Variants in ZNF765 observed in about 807,000 individuals in gnomAD.
ZNF765 encodes the protein zinc finger protein 765.
In ZNF765, 37 loss-of-function variants were observed where a neutral mutation model predicts 44.7. The observed-to-expected ratio is 0.83, with a 90% CI of 0.64 to 1.09. ZNF765 has a LOEUF of 1.09. Among genes scored for constraint, ZNF765 ranks in the 50% least tolerant of loss-of-function variants. ZNF765 has a pLI of 0.00. For missense variants in ZNF765, 594 were observed against 626.1 expected, an observed-to-expected ratio of 0.95 and a Z score of 0.55; for synonymous variants, 201 against 213.7, an observed-to-expected ratio of 0.94 and a Z score of 0.52.
At chr19:53,414,750 G>A (rs1439703683), downstream of ZNF765, among the ~76,000 whole-genome samples, 3 of 148,528 alleles carry the variant, frequency 2.0e-5, no homozygotes, top group Non-Finnish European at 4.5e-5. Context: ...ATGTGCAGTC[G>A]CCATGGTCCA....
At chr19:53,400,673 T>C (rs1485794912) in intron 2 of ZNF765, among the ~76,000 whole-genome samples, 2 of 151,364 alleles carry the variant, frequency 1.3e-5, no homozygotes, top group Non-Finnish European at 2.9e-5. Context: ...TTTGAACAAC[T>C]TTTCCATTTT....
chr19:53,413,369 CA>C, downstream of ZNF765: 1 of 570,602 alleles, frequency 1.8e-6, no homozygotes, highest in East Asian at 4.4e-5. Flanking sequence ...AGATGGCACA[CA>C]TATTTATGCT....
chr19:53,399,031 A>G (rs866315760), intron 2 of ZNF765, among the ~76,000 whole-genome samples: 37 of 151,994 alleles, frequency 2.4e-4, no homozygotes, highest in African/African-American at 8.9e-4. Flanking sequence ...GATTACAGGT[A>G]TAAGCCACCA....
chr19:53,421,215 C>T (rs2085905056), intron 3 of ZNF765, among the ~76,000 whole-genome samples: 2 of 152,154 alleles, frequency 1.3e-5, no homozygotes, highest in African/African-American at 2.4e-5. Context: ...GACAGAGACA[C>T]CTTCGCTCAC....
At chr19:53,403,098 G>T (rs1232638963) in intron 3 of ZNF765, among the ~76,000 whole-genome samples, 1 of 151,956 alleles carries the variant, frequency 6.6e-6, no homozygotes, top group Non-Finnish European at 1.5e-5. Flanking sequence ...GGGAGTCAGA[G>T]GTTGCAGTGA....
chr19:53,416,043 C>G (rs1246417884), downstream of ZNF765, among the ~76,000 whole-genome samples: 1 of 152,102 alleles, frequency 6.6e-6, no homozygotes, highest in Non-Finnish European at 1.5e-5. Flanking sequence ...CAACCTCTGC[C>G]TCCCAGGTTA....
At chr19:53,406,121 T>A (rs768037390) in intron 3 of ZNF765, among the ~76,000 whole-genome samples, 5 of 149,452 alleles carry the variant, frequency 3.3e-5, no homozygotes, top group African/African-American at 7.4e-5. Flanking sequence ...CTCCACCTCC[T>A]GGGTTCAAAT....
chr19:53,400,388 A>G (rs1024562638), intron 2 of ZNF765, among the ~76,000 whole-genome samples: 4 of 152,072 alleles, frequency 2.6e-5, no homozygotes, highest in African/African-American at 9.7e-5. Context: ...CCGCGTTACT[A>G]CAGATATCTC....
At chr19:53,400,244 T>G (rs542129828) in intron 2 of ZNF765, among the ~76,000 whole-genome samples, 3 of 152,328 alleles carry the variant, frequency 2.0e-5, no homozygotes, top group Non-Finnish European at 4.4e-5. Flanking sequence ...TTGTGAAAAT[T>G]TACATGTTCT....
At chr19:53,398,109 A>T in intron 2 of ZNF765, 79 bp downstream of exon 2, 1 of 1,610,540 alleles carries the variant, frequency 6.2e-7, no homozygotes, top group Admixed American at 1.7e-5. Context: ...ATCTTCTCTG[A>T]GTCTGAAGCA....
downstream of ZNF765, among the ~76,000 whole-genome samples, chr19:53,414,514 A>G (rs2085863193): frequency 1.4e-5 from 1 of 71,194 alleles, no homozygotes; most frequent in African/African-American, 5.6e-5. Flanking sequence ...CCCCCCGGGG[A>G]AAAGCCCATA....
At chr19:53,401,926 G>A (rs747027568) in intron 2 of ZNF765, 139 bp from the exon 3 acceptor site, 41 of 1,578,538 alleles carry the variant, frequency 2.6e-5, no homozygotes, top group Middle Eastern at 3.3e-4. Context: ...GACAAAATGC[G>A]GTGAAAAATC....
rs553711067 is a variant in ZNF765 at position 53,410,505 on chromosome 19, A to T, written c.*1378A>T. 1.3e-5 allele frequency: 5 copies of T among 394,456 alleles called. No homozygotes were observed. The highest frequency in any genetic ancestry group is 1.0e-4 in the African/African-American group (5 of 47,726). The allele number at this position is 394,456 out of a possible 1,614,324, so 24.4% of individuals were successfully genotyped here. A position where few individuals can be genotyped will look rare whatever the true frequency, so the allele number is the denominator to read the frequency against. On this transcript the variant is annotated 3_prime_UTR_variant, in exon 4 of 4. Transcript: ENST00000396408. ...AGAATTCACATTGGAGAGAAAGCTT[A>T]CAAGTATAATGAATGTGACAGGTCT...
chr19:53,410,426 G>T lies in ZNF765; in HGVS notation c.*1299G>T. The T allele has an allele frequency of 3.0e-6, 1 of 336,558 alleles. No homozygotes were observed. The allele number at this position is 336,558 out of a possible 1,614,324, so 20.8% of individuals were successfully genotyped here. ...CCTACTGGAGAGATAGCATAAAAATGTAAGAGTTTGTGACAAGGCTTTCAG... is the reference window on the plus strand; with the variant it reads ...CCTACTGGAGAGATAGCATAAAAATTTAAGAGTTTGTGACAAGGCTTTCAG... On this transcript the variant is annotated 3_prime_UTR_variant, in exon 4 of 4. Transcript: ENST00000396408.
rs771235663 is a variant in ZNF765, at chr19:53,408,202, A to T, written c.647A>T (p.Gln216Leu). ...GTACATATGAGGGAAAAATCTTTCC[A>T]ATGCAATGACAGTGGCAAAGCCTAT... ...QEVHMREKSF[Q>L]CNDSGKAYNC... The change falls in exon 4 of 4, where the codon CAA (glutamine) becomes CTA (leucine). Residue 216 changes from glutamine (Q) to leucine (L), a missense_variant. Transcript: ENST00000396408. 1.9e-6 allele frequency: 3 copies of T among 1,614,110 alleles called. No individual in the cohort carries two copies. Among genetic ancestry groups the T allele is most frequent in the Admixed American group, 1.7e-5 (1 of 60,014 alleles).
chr19:53,402,234 T>C, intron 3 of ZNF765, 43 bp downstream of exon 3: 1 of 1,571,694 alleles, frequency 6.4e-7, no homozygotes, highest in Non-Finnish European at 8.6e-7. Context: ...TTGCGTATCT[T>C]TGTATTTTCT....
chr19:53,410,168 C>T lies in ZNF765; in HGVS notation c.*1041C>T. ...CATAGAATTCATACTAGAGAGAAAC[C>T]TTAGCAGTGTAATGAACGTGGCAAG... On this transcript the variant is annotated 3_prime_UTR_variant, in exon 4 of 4. Coordinates refer to ENST00000396408, the MANE Select transcript of ZNF765 (RefSeq NM_001040185.3). 1 of 395,544 alleles carries T rather than the reference C, an allele frequency of 2.5e-6. No individual in the cohort carries two copies. Among genetic ancestry groups the T allele is most frequent in the Non-Finnish European group, 5.1e-6 (1 of 195,704 alleles). 24.5% of individuals were successfully genotyped at this position (395,544 alleles called of 1,614,324 possible).
chr19:53,423,058 A>G lies in ZNF765; in HGVS notation c.143-4A>G, dbSNP rs567723752. ...GGATGTAAATTTCTTTTTTGTGTCC[A>G]CAGAGTTGTCAGGGGAGTGTCCATT... On this transcript the variant is annotated splice_region_variant and splice_polypyrimidine_tract_variant and intron_variant, in intron 3 of 3. Transcript: ENST00000594030. 19 of 696,386 alleles carry G rather than the reference A, an allele frequency of 2.7e-5. No individual in the cohort carries two copies. In the East Asian group the frequency reaches 4.3e-4, roughly 16 times the overall value. The allele number at this position is 696,386 out of a possible 1,614,324, so 43.1% of individuals were successfully genotyped here. A position where few individuals can be genotyped will look rare whatever the true frequency, so the allele number is the denominator to read the frequency against.
At chr19:53,406,262 C>T (rs542369935) in intron 3 of ZNF765, among the ~76,000 whole-genome samples, 12 of 151,916 alleles carry the variant, frequency 7.9e-5, no homozygotes, top group Middle Eastern at 3.4e-3. Flanking sequence ...AACTCCTCAC[C>T]TCATGATCTG....
Sources: allele counts gnomAD v4.1 joint callset (sites outside exome capture counted in the v4.1 genomes callset), GRCh38; gene constraint gnomAD v4.1.1; transcripts MANE v1.5; gene names NCBI Gene and HGNC (gene_info 2026-07-23, HGNC 2026-07-21).